IL1RAPL2: variants seen among roughly 807,000 people sequenced by gnomAD.
IL1RAPL2 encodes X-linked interleukin-1 receptor accessory protein-like 2.
Under a neutral mutation model 44.1 loss-of-function variants are expected in IL1RAPL2, and 3 were observed. That is an observed-to-expected ratio of 0.07 (90% CI 0.03 to 0.18). The LOEUF is 0.18. IL1RAPL2 is among the 10% of genes least tolerant of loss of function. The pLI, the probability that IL1RAPL2 is intolerant of heterozygous loss-of-function variation, is 1.00. For missense variants in IL1RAPL2, 391 were observed against 496.4 expected, an observed-to-expected ratio of 0.79 and a Z score of 2.02; for synonymous variants, 181 against 178.8, an observed-to-expected ratio of 1.01 and a Z score of -0.10.
In IL1RAPL2 at chrX:105,209,245, T is replaced by TA. The variant is rs1416147004; in HGVS notation, c.356+13505dup. Among the ~76,000 whole-genome samples the TA allele has an allele frequency of 3.1e-3, 342 of 111,748 alleles. 4 individuals are homozygous for TA. Among genetic ancestry groups the TA allele is most frequent in the African/African-American group, 0.01 (320 of 30,778 alleles). ...GATCCCACATGACATGAAACAAAGA[T>TA]AAAAAAAATCACTGCTGTTTCTAAA... On this transcript the variant is annotated intron_variant, in intron 3 of 10. Coordinates refer to ENST00000372582, the MANE Select transcript of IL1RAPL2 (RefSeq NM_017416.2).
chrX:105,245,178 G>T (rs2034208195), intron 4 of IL1RAPL2, among the ~76,000 whole-genome samples: 1 of 112,127 alleles, frequency 8.9e-6, no homozygotes, highest in African/African-American at 3.2e-5. Context: ...CCGTTTTCCA[G>T]GTGTCTTTTC....
intron 2 of IL1RAPL2, among the ~76,000 whole-genome samples, chrX:104,924,767 C>T (rs768525494): frequency 5.4e-5 from 6 of 110,758 alleles, no homozygotes; most frequent in Non-Finnish European, 7.6e-5. Context: ...AAATTAAGAA[C>T]CTAATGTCAC....
intron 2 of IL1RAPL2, among the ~76,000 whole-genome samples, chrX:104,775,416 G>A (rs939235477): frequency 1.8e-5 from 2 of 111,987 alleles, no homozygotes; most frequent in Admixed American, 9.5e-5. Context: ...GTTATGGTTC[G>A]CAGACTATAG....
intron 6 of IL1RAPL2, among the ~76,000 whole-genome samples, chrX:105,685,720 C>T (rs1197419921): frequency 3.6e-5 from 4 of 110,976 alleles, no homozygotes; most frequent in Admixed American, 9.6e-5. Flanking sequence ...AGATACTCCT[C>T]GAGAAGAGCA....
At chrX:105,284,406 G>T (rs948144172) in intron 5 of IL1RAPL2, among the ~76,000 whole-genome samples, 9 of 111,931 alleles carry the variant, frequency 8.0e-5, no homozygotes, top group Non-Finnish European at 1.7e-4. Context: ...TTGAATAAAA[G>T]CCTGTCTGTA....
In IL1RAPL2 at chrX:105,719,262, G is replaced by A. The variant is rs370265366; in HGVS notation, c.902+1766G>A. ...TACAACCTGAGTGAACCTTGAAAAT[G>A]TTCTCAGTGTAAGAAGCCAGAAACA... On this transcript the variant is annotated intron_variant, in intron 7 of 10. Transcript: ENST00000372582. Among the ~76,000 whole-genome samples, 6 of 111,444 alleles carry A rather than the reference G, an allele frequency of 5.4e-5. No homozygotes were observed. In the East Asian group the frequency reaches 1.7e-3, roughly 32 times the overall value.
At position 105,480,914 on chromosome X, in the gene IL1RAPL2, C is replaced by T. The variant is rs2036229243; in HGVS notation, c.698-3399C>T. 3.6e-5 allele frequency among the ~76,000 whole-genome samples: 4 copies of T among 111,892 alleles called. No individual in the cohort carries two copies. In the South Asian group the frequency reaches 1.5e-3, roughly 42 times the overall value. On this transcript the variant is annotated intron_variant, in intron 5 of 10. Coordinates refer to ENST00000372582, the MANE Select transcript of IL1RAPL2 (RefSeq NM_017416.2). Reference sequence around the variant, plus strand: ...ATCACAAATGTTCTGCACTTCTTAGCAATTCTCAGGCCTAAACATGATATT... The same window carrying T: ...ATCACAAATGTTCTGCACTTCTTAGTAATTCTCAGGCCTAAACATGATATT...
At chrX:105,382,995 G>A (rs1318167156) in intron 5 of IL1RAPL2, among the ~76,000 whole-genome samples, 3 of 103,772 alleles carry the variant, frequency 2.9e-5, no homozygotes, top group African/African-American at 7.0e-5. Context: ...GGGAGGGATA[G>A]CATTTGAAGA....
intron 1 of IL1RAPL2, among the ~76,000 whole-genome samples, chrX:104,611,314 C>A (rs1929152408): frequency 9.0e-6 from 1 of 111,539 alleles, no homozygotes; most frequent in Non-Finnish European, 1.9e-5. Context: ...GTCTACAAGT[C>A]CCTGATTGGG....
rs1335252664 is a variant in IL1RAPL2 at position 105,511,529 on chromosome X, T to C, written c.772+27142T>C. Among the ~76,000 whole-genome samples the C allele has an allele frequency of 4.5e-5, 5 of 111,031 alleles. 1 individual carries two copies. The South Asian group carries it at 1.1e-3, about 25-fold the overall frequency. On this transcript the variant is annotated intron_variant, in intron 6 of 10. Coordinates refer to ENST00000372582, the MANE Select transcript of IL1RAPL2 (RefSeq NM_017416.2). ...TCTCTGATTTACCCACCCACCCACATGTGTCCTCTCCATAATAAATAGCTG... is the reference window on the plus strand; with the variant it reads ...TCTCTGATTTACCCACCCACCCACACGTGTCCTCTCCATAATAAATAGCTG...
At chrX:105,356,586 T>C (rs1406322935) in intron 5 of IL1RAPL2, among the ~76,000 whole-genome samples, 1 of 111,756 alleles carries the variant, frequency 8.9e-6, no homozygotes, top group Non-Finnish European at 1.9e-5. Context: ...ATATTTATTT[T>C]ACAGGATGTG....
At chrX:105,307,632 T>C (rs1176822548) in intron 5 of IL1RAPL2, among the ~76,000 whole-genome samples, 2 of 59,691 alleles carry the variant, frequency 3.4e-5, no homozygotes, top group Non-Finnish European at 5.3e-5. Flanking sequence ...CTATTATATA[T>C]ATTATATATA....
At chrX:105,570,900 G>C (rs999346992) in intron 6 of IL1RAPL2, among the ~76,000 whole-genome samples, 1 of 111,539 alleles carries the variant, frequency 9.0e-6, no homozygotes, top group Non-Finnish European at 1.9e-5. Context: ...GTGCACTTCA[G>C]GTATCATCTA....
chrX:105,246,997 G>C (rs991612445), intron 4 of IL1RAPL2, among the ~76,000 whole-genome samples: 6 of 110,761 alleles, frequency 5.4e-5, no homozygotes, highest in African/African-American at 2.0e-4. Context: ...GCACTCCAGA[G>C]TGCTGTGACC....
intron 6 of IL1RAPL2, among the ~76,000 whole-genome samples, chrX:105,561,924 G>C (rs1368418228): frequency 3.6e-5 from 4 of 112,058 alleles, no homozygotes; most frequent in African/African-American, 1.3e-4. Context: ...AAAGTCAACA[G>C]AGGATCTCAG....
rs191775065 is a variant in IL1RAPL2 at position 105,219,986 on chromosome X, C to T, written c.357-13832C>T. ...ACCTTGTCTCTCTCTTTCTGCACCTCCACGAGGCTGGTCTGGGCCATTCTT... is the reference window on the plus strand; with the variant it reads ...ACCTTGTCTCTCTCTTTCTGCACCTTCACGAGGCTGGTCTGGGCCATTCTT... On this transcript the variant is annotated intron_variant, in intron 3 of 10. Transcript: ENST00000372582. 383 of 1,204,141 alleles carry T rather than the reference C, an allele frequency of 3.2e-4. No homozygotes were observed. In the African/African-American group the frequency reaches 5.9e-3, roughly 19 times the overall value.
At chrX:104,899,994 G>T (rs1403530694) in intron 2 of IL1RAPL2, among the ~76,000 whole-genome samples, 1 of 111,595 alleles carries the variant, frequency 9.0e-6, no homozygotes, top group Non-Finnish European at 1.9e-5. Flanking sequence ...CTGCATTATG[G>T]GTACAGATTT....
intron 6 of IL1RAPL2, among the ~76,000 whole-genome samples, chrX:105,689,360 TCAAA>T (rs1464052351): frequency 9.0e-6 from 1 of 111,214 alleles, no homozygotes; most frequent in Non-Finnish European, 1.9e-5. Flanking sequence ...TACAAAGAAC[TCAAA>T]CAAATTTACA....
intron 2 of IL1RAPL2, among the ~76,000 whole-genome samples, chrX:104,663,061 G>T (rs1930431090): frequency 8.9e-6 from 1 of 112,043 alleles, no homozygotes; most frequent in South Asian, 3.7e-4. Context: ...GGTATTTAAA[G>T]ATATATTTTG....
Sources: allele counts gnomAD v4.1 joint callset (sites outside exome capture counted in the v4.1 genomes callset), GRCh38; gene constraint gnomAD v4.1.1; transcripts MANE v1.5; gene names NCBI Gene and HGNC (gene_info 2026-07-23, HGNC 2026-07-21).